Variants in WDR19 observed in about 807,000 individuals in gnomAD.
WDR19 encodes WD repeat-containing protein 19.
A neutral mutation model predicts 180.0 loss-of-function variants in WDR19; 121 were observed. The observed-to-expected ratio is 0.67, with a 90% CI of 0.58 to 0.78. WDR19 has a LOEUF of 0.78. WDR19 is among the 30% of genes least tolerant of loss of function. The pLI, the probability that WDR19 is intolerant of heterozygous loss-of-function variation, is 0.00. For missense variants in WDR19, 1,450 were observed against 1,640.7 expected (o/e 0.88, Z 2.01); for synonymous variants, 497 against 540.7 (o/e 0.92, Z 1.12).
At chr4:39,221,983 A>G (rs1430253197) in intron 14 of WDR19, among the ~76,000 whole-genome samples, 1 of 152,192 alleles carries the variant, frequency 6.6e-6, no homozygotes, top group Non-Finnish European at 1.5e-5. Flanking sequence ...ATCAACATTC[A>G]TGTTCAAGAA....
chr4:39,185,782 GC>G lies in WDR19; in HGVS notation c.64del (p.Gln22LysfsTer10). On this transcript the variant is annotated frameshift_variant, in exon 2 of 37. Coordinates refer to ENST00000399820, the MANE Select transcript of WDR19 (RefSeq NM_025132.4). LOFTEE classifies it high-confidence loss of function. The part of the protein sequence containing the change: ...WLGAPIQFAW[Q>X]KTSGNYLAVT... The stretch of plus-strand genomic sequence containing the variant: ...TTGGCGCACCAATACAGTTTGCCTG[GC>G]AAAAAACATCAGGAAACTACCTTGC... 1 of 1,557,200 alleles carries G rather than the reference GC, an allele frequency of 6.4e-7. No homozygotes were observed. Among genetic ancestry groups the G allele is most frequent in the Non-Finnish European group, 8.7e-7 (1 of 1,149,562 alleles).
chr4:39,270,070 C>T lies in WDR19; in HGVS notation c.3453C>T (p.Leu1151=), dbSNP rs1276426571. The T allele has an allele frequency of 6.2e-7, 1 of 1,613,796 alleles. No individual in the cohort carries two copies. Among genetic ancestry groups the T allele is most frequent in the Non-Finnish European group, 8.5e-7 (1 of 1,179,888 alleles). The change falls in exon 31 of 37, where the codon CTC becomes CTT. Residue 1151 remains leucine (L), a synonymous_variant. Coordinates refer to ENST00000399820, the MANE Select transcript of WDR19 (RefSeq NM_025132.4). ...IKIPSEMATN[L]MILHSYILVK... ...TTCCCTCCGAGATGGCCACCAACCT[C>T]ATGATTCTGCACAGCTATATACTAG...
At chr4:39,257,114 T>C (rs1297253909) in intron 27 of WDR19, among the ~76,000 whole-genome samples, 1 of 152,178 alleles carries the variant, frequency 6.6e-6, no homozygotes, top group East Asian at 1.9e-4. Flanking sequence ...ATAGGGGCCG[T>C]GCCATACCAT....
Position 39,240,281 on chromosome 4 carries a change from G to A in WDR19, c.2368G>A (p.Asp790Asn). 1 of 1,369,972 alleles carries A rather than the reference G, an allele frequency of 7.3e-7. No homozygotes were observed. Among genetic ancestry groups the A allele is most frequent in the South Asian group, 1.9e-5 (1 of 51,450 alleles). 84.9% of individuals were successfully genotyped at this position (1,369,972 alleles called of 1,614,324 possible). A position where few individuals can be genotyped will look rare whatever the true frequency, so the allele number is the denominator to read the frequency against. The stretch of plus-strand genomic sequence containing the variant: ...TCACTCTTATTTTTTTTTCAGGGGT[G>A]ATTATGTAAATGCTTTGGCTCATTA... ...EYAIQLEFAG[D>N]YVNALAHYEK... is the part of the protein sequence containing the mutation. The change falls in exon 21 of 37, where the codon GAT becomes AAT. Residue 790 changes from aspartate to asparagine, a missense_variant. Physicochemically the swap from Asp to Asn is conservative, Grantham distance 23. Transcript: ENST00000399820.
At chr4:39,284,947 G>C (rs1365112152) in intron 36 of WDR19, among the ~76,000 whole-genome samples, 8 of 152,048 alleles carry the variant, frequency 5.3e-5, no homozygotes, top group Non-Finnish European at 1.0e-4. Context: ...TACTCAGGAG[G>C]CTGAGGCATG....
intron 14 of WDR19, among the ~76,000 whole-genome samples, chr4:39,220,603 G>A (rs183813975): frequency 1.5e-3 from 136 of 91,446 alleles, no homozygotes; most frequent in African/African-American, 5.7e-3. Context: ...GTCTCTCTCT[G>A]TCGCCCATGC....
intron 15 of WDR19, among the ~76,000 whole-genome samples, chr4:39,227,119 A>T (rs546837232): frequency 6.6e-6 from 1 of 152,318 alleles, no homozygotes; most frequent in African/African-American, 2.4e-5. Context: ...ACACTTAAAC[A>T]TATCTCAATT....
intron 21 of WDR19, among the ~76,000 whole-genome samples, chr4:39,242,964 G>A (rs994978134): frequency 4.6e-5 from 7 of 151,922 alleles, no homozygotes; most frequent in African/African-American, 7.3e-5. Context: ...CACCGCGCCC[G>A]GCCCATCTCT....
intron 36 of WDR19, among the ~76,000 whole-genome samples, chr4:39,280,650 C>A (rs1173306011): frequency 6.6e-6 from 1 of 151,792 alleles, no homozygotes; most frequent in Non-Finnish European, 1.5e-5. Flanking sequence ...CTCAAAAAAC[C>A]AACCAACCAA....
intron 5 of WDR19, among the ~76,000 whole-genome samples, chr4:39,195,970 A>G (rs1027128281): frequency 3.3e-5 from 5 of 152,212 alleles, no homozygotes; most frequent in Admixed American, 3.3e-4. Flanking sequence ...TGGTGTTAAG[A>G]CTAACTTGAT....
chr4:39,254,858 C>T (rs952326704), intron 26 of WDR19, among the ~76,000 whole-genome samples: 3 of 151,914 alleles, frequency 2.0e-5, no homozygotes, highest in Admixed American at 6.6e-5. Context: ...CATGGTACCT[C>T]GTATAAGTGG....
intron 21 of WDR19, among the ~76,000 whole-genome samples, chr4:39,241,271 G>A (rs1292264772): frequency 1.3e-5 from 2 of 152,020 alleles, no homozygotes; most frequent in Non-Finnish European, 2.9e-5. Flanking sequence ...ATCAAAATAT[G>A]TTAACATGAA....
chr4:39,251,564 G>A (rs1733188448), intron 24 of WDR19, among the ~76,000 whole-genome samples: 6 of 151,794 alleles, frequency 4.0e-5, no homozygotes, highest in Admixed American at 6.6e-5. Flanking sequence ...CAACATCAGA[G>A]TGAACAGGCA....
chr4:39,197,184 T>C (rs937459776), intron 5 of WDR19, among the ~76,000 whole-genome samples: 12 of 152,074 alleles, frequency 7.9e-5, no homozygotes, highest in African/African-American at 2.7e-4. Flanking sequence ...ATTCCAGCAT[T>C]TTGGAAGGCC....
intron 36 of WDR19, among the ~76,000 whole-genome samples, chr4:39,282,620 A>G (rs1044159505): frequency 1.3e-5 from 2 of 151,288 alleles, no homozygotes; most frequent in Non-Finnish European, 2.9e-5. Flanking sequence ...CTGGTCTTGA[A>G]CTCCTGACCT....
In WDR19 at chr4:39,189,642, C is replaced by T; in HGVS notation, c.165-14C>T. 1 of 1,575,140 alleles carries T rather than the reference C, an allele frequency of 6.3e-7. No individual in the cohort carries two copies. The highest frequency in any genetic ancestry group is 1.2e-5 in the South Asian group (1 of 83,542). On this transcript the variant is annotated splice_polypyrimidine_tract_variant and intron_variant, in intron 3 of 36. Transcript: ENST00000399820. ...AAAAACTGTATAGTGGTATTTTGCT[C>T]TCTTTTTTAAAAGTAACTGTGTTGC...
intron 26 of WDR19, among the ~76,000 whole-genome samples, chr4:39,254,458 G>A (rs559363686): frequency 1.3e-5 from 2 of 152,236 alleles, no homozygotes; most frequent in African/African-American, 4.8e-5. Context: ...CACAAGATGT[G>A]TTTTTCAAAG....
intron 36 of WDR19, 112 bp from the exon 37 acceptor site, chr4:39,285,375 A>G (rs1394855018): frequency 1.3e-5 from 2 of 152,210 alleles, no homozygotes; most frequent in Non-Finnish European, 2.9e-5. Flanking sequence ...CCTGTTCCAC[A>G]TTCTAGAAAC....
chr4:39,257,642 C>A, intron 28 of WDR19, 88 bp downstream of exon 28: 4 of 1,219,762 alleles, frequency 3.3e-6, no homozygotes, highest in Non-Finnish European at 4.7e-6. Context: ...AGAAGTAGAC[C>A]AAACAGTATT....
Sources: gnomAD v4.1 joint callset for allele counts (sites outside exome capture counted in the v4.1 genomes callset) on GRCh38, gnomAD v4.1.1 for gene constraint, MANE v1.5 for transcripts, NCBI Gene and HGNC (gene_info 2026-07-23, HGNC 2026-07-21) for gene names.